The following SCCPDH variants were observed in gnomAD, a reference collection of about 807,000 sequenced individuals.
SCCPDH encodes the protein saccharopine dehydrogenase-like oxidoreductase.
Under a neutral mutation model 51.5 loss-of-function variants are expected in SCCPDH, and 34 were observed. That is an observed-to-expected ratio of 0.66 (90% CI 0.50 to 0.88). The LOEUF (loss-of-function observed/expected upper bound fraction) is 0.88. SCCPDH is among the 40% of genes least tolerant of loss of function. SCCPDH has a pLI of 0.00. For missense variants in SCCPDH, 464 were observed against 527.1 expected (o/e 0.88, Z 1.17); for synonymous variants, 187 against 191.3 (o/e 0.98, Z 0.19).
At chr1:246,747,789 G>A (rs1668783813) in intron 5 of SCCPDH, among the ~76,000 whole-genome samples, 1 of 152,200 alleles carries the variant, frequency 6.6e-6, no homozygotes, top group South Asian at 2.1e-4. Context: ...GGCTCAGGAT[G>A]ACTAAGAACA....
intron 5 of SCCPDH, among the ~76,000 whole-genome samples, chr1:246,752,677 A>G (rs1302560397): frequency 6.6e-6 from 1 of 151,496 alleles, no homozygotes; most frequent in Non-Finnish European, 1.5e-5. Flanking sequence ...CTGTCTTTTG[A>G]CCATACCTTG....
Position 246,724,598 on chromosome 1 carries a change from C to T in SCCPDH, c.176C>T (p.Ala59Val), listed in dbSNP as rs888845697. 2.0e-6 allele frequency: 3 copies of T among 1,503,428 alleles called. No homozygotes were observed. Among genetic ancestry groups the T allele is most frequent in the Non-Finnish European group, 2.7e-6 (3 of 1,129,974 alleles). 93.1% of individuals were successfully genotyped at this position (1,503,428 alleles called of 1,614,324 possible). A position where few individuals can be genotyped will look rare whatever the true frequency, so the allele number is the denominator to read the frequency against. ...REKLQRVLEK[A>V]ALKLGRPTLS... ...AAGCTGCAGCGGGTGCTGGAGAAGG[C>T]GGCCCTGAAGCTGGGTACAGCGGCG... The change falls in exon 1 of 12, where the codon GCG (alanine) becomes GTG (valine). Residue 59 changes from alanine (A) to valine (V), a missense_variant. Ala to Val is a moderately conservative substitution (Grantham distance 64, BLOSUM62 0). Coordinates refer to ENST00000366510, the MANE Select transcript of SCCPDH (RefSeq NM_016002.3).
At chr1:246,765,599 T>A (rs1669076543) in intron 10 of SCCPDH, among the ~76,000 whole-genome samples, 1 of 152,236 alleles carries the variant, frequency 6.6e-6, no homozygotes, top group South Asian at 2.1e-4. Flanking sequence ...TTTGTTGTTT[T>A]TAAGTGAAGT....
chr1:246,731,736 T>C (rs1572293224), intron 2 of SCCPDH, among the ~76,000 whole-genome samples: 1 of 138,756 alleles, frequency 7.2e-6, no homozygotes, highest in African/African-American at 3.0e-5. Flanking sequence ...TATTTTTATT[T>C]AAGTTCTAGG....
chr1:246,758,859 G>A (rs186463334), intron 6 of SCCPDH, among the ~76,000 whole-genome samples, 175 bp from the exon 7 acceptor site: 2 of 151,484 alleles, frequency 1.3e-5, no homozygotes, highest in Admixed American at 1.3e-4. Context: ...TCTCTTTGTT[G>A]CCCAAGTTGG....
chr1:246,737,654 C>T (rs1005035868), intron 3 of SCCPDH, among the ~76,000 whole-genome samples: 14 of 151,828 alleles, frequency 9.2e-5, no homozygotes, highest in African/African-American at 1.7e-4. Context: ...TGCAGTGCTA[C>T]GATCTTGGCT....
intron 5 of SCCPDH, among the ~76,000 whole-genome samples, chr1:246,746,033 G>A (rs751785181): frequency 1.9e-4 from 28 of 150,454 alleles, no homozygotes; most frequent in Non-Finnish European, 3.4e-4. Context: ...GCGTGAACCC[G>A]GGAGGCAGAG....
chr1:246,766,605 G>A (rs1216584044), intron 11 of SCCPDH, among the ~76,000 whole-genome samples: 1 of 152,146 alleles, frequency 6.6e-6, no homozygotes, highest in East Asian at 1.9e-4. Context: ...CCTAAAACTA[G>A]GCCAGCTTTT....
At chr1:246,729,705 C>T (rs1400545157) in intron 2 of SCCPDH, among the ~76,000 whole-genome samples, 5 of 152,102 alleles carry the variant, frequency 3.3e-5, no homozygotes, top group African/African-American at 1.2e-4. Flanking sequence ...ACAAAGATGA[C>T]AGGATTAAGA....
chr1:246,755,284 G>A (rs1668913712), intron 5 of SCCPDH, among the ~76,000 whole-genome samples: 3 of 151,968 alleles, frequency 2.0e-5, no homozygotes, highest in South Asian at 2.1e-4. Context: ...GTTTTGTTTC[G>A]ATGTGCATCT....
At chr1:246,728,885 G>A (rs373382888) in intron 2 of SCCPDH, among the ~76,000 whole-genome samples, 3 of 152,120 alleles carry the variant, frequency 2.0e-5, no homozygotes, top group East Asian at 1.9e-4. Flanking sequence ...GGGGGAACCA[G>A]CCCCCAGTAT....
chr1:246,760,377 A>C, intron 9 of SCCPDH, 150 bp downstream of exon 9: 1 of 673,062 alleles, frequency 1.5e-6, no homozygotes, highest in Middle Eastern at 4.2e-4. Context: ...CACCCCTTGA[A>C]TGTAGGTATT....
intron 3 of SCCPDH, among the ~76,000 whole-genome samples, chr1:246,738,170 T>C (rs1309970330): frequency 6.6e-6 from 1 of 151,914 alleles, no homozygotes; most frequent in Non-Finnish European, 1.5e-5. Flanking sequence ...CACTCCAGCC[T>C]GGGCAACAGG....
At chr1:246,755,635 C>G (rs113312174) in intron 5 of SCCPDH, 3,025 of 153,366 alleles carry the variant, frequency 0.02, 88 homozygotes, top group African/African-American at 0.069. Flanking sequence ...CTTTCTCCAC[C>G]TTACTCTGGT....
chr1:246,754,600 G>A (rs1015468627), intron 5 of SCCPDH, among the ~76,000 whole-genome samples: 10 of 152,252 alleles, frequency 6.6e-5, no homozygotes, highest in Non-Finnish European at 1.3e-4. Flanking sequence ...GTCTCCAGCA[G>A]TCGAGCTCCG....
At chr1:246,761,391 T>C (rs1165336647) in intron 9 of SCCPDH, among the ~76,000 whole-genome samples, 6 of 152,204 alleles carry the variant, frequency 3.9e-5, no homozygotes, top group African/African-American at 1.2e-4. Context: ...TTCTTCTTAT[T>C]GTGGTAAAAT....
intron 1 of SCCPDH, among the ~76,000 whole-genome samples, chr1:246,725,719 T>G (rs1668387813): frequency 6.6e-6 from 1 of 152,196 alleles, no homozygotes; most frequent in Non-Finnish European, 1.5e-5. Flanking sequence ...GTAATTTTAC[T>G]ATGAAAATAT....
At chr1:246,762,218 A>G (rs1418174547) in intron 9 of SCCPDH, among the ~76,000 whole-genome samples, 1 of 152,222 alleles carries the variant, frequency 6.6e-6, no homozygotes, top group Non-Finnish European at 1.5e-5. Flanking sequence ...GAAGATTCAT[A>G]TCCAGAAAAT....
chr1:246,735,523 A>G (rs568269840), intron 2 of SCCPDH, among the ~76,000 whole-genome samples: 1 of 152,220 alleles, frequency 6.6e-6, no homozygotes, highest in South Asian at 2.1e-4. Context: ...TTGTGCAGGT[A>G]TCTTCTCAGT....
Sources: allele counts gnomAD v4.1 joint callset (sites outside exome capture counted in the v4.1 genomes callset), GRCh38; gene constraint gnomAD v4.1.1; transcripts MANE v1.5; gene names NCBI Gene and HGNC (gene_info 2026-07-23, HGNC 2026-07-21).